Variants in PPP3CA observed in about 807,000 individuals in gnomAD.
PPP3CA encodes protein phosphatase 3 catalytic subunit alpha.
In PPP3CA, 14 loss-of-function variants were observed where a neutral mutation model predicts 66.5. That is an observed-to-expected ratio of 0.21 (90% CI 0.14 to 0.33). The LOEUF is 0.33. PPP3CA is among the 10% of genes least tolerant of loss of function. PPP3CA has a pLI of 1.00. For synonymous variants in PPP3CA, 232 were observed against 226.2 expected (o/e 1.03, Z -0.23); for missense variants, 317 against 639.5 (o/e 0.50, Z 5.44).
chr4:101,289,750 T>C (rs1380846008), intron 1 of PPP3CA, among the ~76,000 whole-genome samples: 1 of 152,172 alleles, frequency 6.6e-6, no homozygotes, highest in Non-Finnish European at 1.5e-5. Flanking sequence ...TTACATTAAA[T>C]TTCTCCCTAC....
chr4:101,322,599 C>T (rs770062535), intron 1 of PPP3CA, among the ~76,000 whole-genome samples: 11 of 151,632 alleles, frequency 7.3e-5, no homozygotes, highest in Non-Finnish European at 1.3e-4. Flanking sequence ...TAGAAGAGAC[C>T]GGGTTTCACC....
In PPP3CA at chr4:101,026,045, T is replaced by A; in HGVS notation, c.1386A>T (p.Ser462=). 2 of 1,593,526 alleles carry A rather than the reference T, an allele frequency of 1.3e-6. No individual in the cohort carries two copies. ...IEADEAIKGF[S]PQHKITSFEE... is the part of the protein sequence containing the mutation. Reference sequence around the variant, plus strand: ...CGAAGCTAGTGATCTTATGTTGTGGTGAAAATCCTTTGATAGCTAAACAGA... The same window carrying A: ...CGAAGCTAGTGATCTTATGTTGTGGAGAAAATCCTTTGATAGCTAAACAGA... The change falls in exon 14 of 14, where the codon TCA becomes TCT. Residue 462 remains serine, a synonymous_variant. Transcript: ENST00000394854.
rs1461235505 is a variant in PPP3CA, at chr4:101,075,247, A to C, written c.955+5285T>G. On this transcript the variant is annotated intron_variant, in intron 8 of 13. Transcript: ENST00000394854. ...GTGCATCTTATAAAAGCAATTTTCT[A>C]CCTCTCTCTTCCTTAACTACTTTAA... 3.3e-5 allele frequency among the ~76,000 whole-genome samples: 5 copies of C among 152,074 alleles called. No homozygotes were observed. In the South Asian group the frequency reaches 6.3e-4, roughly 19 times the overall value.
chr4:101,140,671 T>C (rs1370875827), intron 2 of PPP3CA, among the ~76,000 whole-genome samples: 2 of 152,194 alleles, frequency 1.3e-5, no homozygotes, highest in Admixed American at 1.3e-4. Flanking sequence ...TTGGCAAAAG[T>C]CAAATGTATC....
rs568214879 is a variant in PPP3CA at position 101,301,315 on chromosome 4, C to T, written c.58+45424G>A. Among the ~76,000 whole-genome samples, 92 of 151,040 alleles carry T rather than the reference C, an allele frequency of 6.1e-4. 1 individual carries two copies. The highest frequency in any genetic ancestry group is 7.9e-4 in the Admixed American group (12 of 15,158). ...ATGATACTACCTGCTAAATATTAGG[C>T]CCTCCCTACTCAAACATTTCCAATG... On this transcript the variant is annotated intron_variant, in intron 1 of 13. Coordinates refer to ENST00000394854, the MANE Select transcript of PPP3CA (RefSeq NM_000944.5).
chr4:101,029,712 AG>A (rs1726851303), intron 12 of PPP3CA, among the ~76,000 whole-genome samples: 7 of 151,588 alleles, frequency 4.6e-5, no homozygotes, highest in African/African-American at 1.7e-4. Context: ...ATGGAAAAAC[AG>A]GGAGATTCAA....
chr4:101,029,344 T>A (rs1290702073), intron 12 of PPP3CA, 149 bp from the exon 13 acceptor site: 15 of 61,936 alleles, frequency 2.4e-4, no homozygotes, highest in African/African-American at 9.9e-4. Flanking sequence ...AAAACAGAAA[T>A]GCTAAAAAAA....
At chr4:101,335,682 C>A (rs79045646) in intron 1 of PPP3CA, among the ~76,000 whole-genome samples, 2 of 152,036 alleles carry the variant, frequency 1.3e-5, no homozygotes, top group African/African-American at 4.8e-5. Flanking sequence ...CCTCACCCTC[C>A]CAAAGGGTAT....
intron 1 of PPP3CA, among the ~76,000 whole-genome samples, chr4:101,278,136 A>AAAT (rs1553937789): frequency 8.2e-5 from 12 of 145,914 alleles, no homozygotes; most frequent in African/African-American, 2.4e-4. Flanking sequence ...AAAAAAAAAA[A>AAAT]AAATAAAAAA....
At chr4:101,160,746 TA>T (rs765650680) in intron 2 of PPP3CA, among the ~76,000 whole-genome samples, 4 of 152,096 alleles carry the variant, frequency 2.6e-5, no homozygotes, top group Non-Finnish European at 5.9e-5. Flanking sequence ...TCTTTAAAAA[TA>T]TTTTTTTAAT....
chr4:101,124,697 G>GAA (rs1225338891), intron 2 of PPP3CA, among the ~76,000 whole-genome samples: 65 of 91,794 alleles, frequency 7.1e-4, no homozygotes, highest in African/African-American at 2.9e-3. Flanking sequence ...AAGAAAGAAA[G>GAA]AAAGAAAGAA....
chr4:101,153,702 C>T (rs1723216446), intron 2 of PPP3CA, among the ~76,000 whole-genome samples: 1 of 152,108 alleles, frequency 6.6e-6, no homozygotes, highest in Non-Finnish European at 1.5e-5. Flanking sequence ...TAGGAAAAAA[C>T]AAACAGCTCC....
chr4:101,198,393 G>A (rs939178527), intron 1 of PPP3CA, among the ~76,000 whole-genome samples: 1 of 152,158 alleles, frequency 6.6e-6, no homozygotes. Flanking sequence ...ATATGGGCTG[G>A]GGGCTAGAAA....
At chr4:101,076,552 G>A (rs1295780331) in intron 8 of PPP3CA, among the ~76,000 whole-genome samples, 1 of 152,158 alleles carries the variant, frequency 6.6e-6, no homozygotes, top group Non-Finnish European at 1.5e-5. Context: ...TTATGGAAAC[G>A]CAGACTGGAG....
intron 1 of PPP3CA, among the ~76,000 whole-genome samples, chr4:101,226,200 C>A (rs1725777241): frequency 6.6e-6 from 1 of 151,698 alleles, no homozygotes; most frequent in Non-Finnish European, 1.5e-5. Flanking sequence ...CTATTCAGGA[C>A]TCCAGGCTTC....
Position 101,347,312 on chromosome 4 carries a change from G to C in PPP3CA, c.-516C>G, listed in dbSNP as rs1386385855. The C allele has an allele frequency of 5.0e-6, 1 of 201,994 alleles. No homozygotes were observed. The highest frequency in any genetic ancestry group is 1.7e-4 in the East Asian group (1 of 5,848). The allele number at this position is 201,994 out of a possible 1,614,324, so 12.5% of individuals were successfully genotyped here. A position where few individuals can be genotyped will look rare whatever the true frequency, so the allele number is the denominator to read the frequency against. The stretch of plus-strand genomic sequence containing the variant: ...ACCTTGGCGTCCCCGGCGGCGGAGA[G>C]GCGGCCGCCGCTGCTGCCGCTGCTG... On this transcript the variant is annotated 5_prime_UTR_variant, in exon 1 of 14. Coordinates refer to ENST00000394854, the MANE Select transcript of PPP3CA (RefSeq NM_000944.5).
intron 1 of PPP3CA, among the ~76,000 whole-genome samples, chr4:101,279,388 G>A (rs927387869): frequency 6.6e-6 from 1 of 152,120 alleles, no homozygotes; most frequent in African/African-American, 2.4e-5. Flanking sequence ...GGCTGCAGGA[G>A]GTCCTAGAGA....
chr4:101,186,655 C>T (rs568973885), intron 2 of PPP3CA, among the ~76,000 whole-genome samples: 118 of 152,010 alleles, frequency 7.8e-4, no homozygotes, highest in African/African-American at 2.7e-3. Flanking sequence ...TATTTTCTTT[C>T]GAATTAAAAC....
chr4:101,232,278 G>A (rs1007946850), intron 1 of PPP3CA, among the ~76,000 whole-genome samples: 4 of 151,620 alleles, frequency 2.6e-5, no homozygotes, highest in African/African-American at 9.7e-5. Flanking sequence ...CAGGCATGCT[G>A]AGTTATTTTT....
Sources: gnomAD v4.1 joint callset for allele counts (sites outside exome capture counted in the v4.1 genomes callset) on GRCh38, gnomAD v4.1.1 for gene constraint, MANE v1.5 for transcripts, NCBI Gene and HGNC (gene_info 2026-07-23, HGNC 2026-07-21) for gene names.